The following CELF2 variants were observed in gnomAD, a reference collection of about 807,000 sequenced individuals.
CELF2 encodes the protein CUGBP Elav-like family member 2, also known as CUG triplet repeat RNA-binding protein 2.
Under a neutral mutation model 62.6 loss-of-function variants are expected in CELF2, and 8 were observed. The observed-to-expected ratio is 0.13, with a 90% CI of 0.07 to 0.23. The LOEUF (loss-of-function observed/expected upper bound fraction) is 0.23. CELF2 is among the 10% of genes least tolerant of loss of function. The pLI is 1.00. For synonymous variants in CELF2, 258 were observed against 250.0 expected (o/e 1.03, Z -0.30); for missense variants, 333 against 671.0 (o/e 0.50, Z 5.56).
the CELF2 span, among the ~76,000 whole-genome samples, chr10:10,676,822 G>A: frequency 2.6e-5 from 4 of 152,090 alleles, no homozygotes; most frequent in Non-Finnish European, 5.9e-5. Context: ...TTGTTATTAG[G>A]GGGGAGTGAC....
chr10:10,623,009 C>T, the CELF2 span, among the ~76,000 whole-genome samples: 1 of 140,550 alleles, frequency 7.1e-6, no homozygotes, highest in African/African-American at 2.6e-5. Context: ...TGGCCTGAAC[C>T]CGGGAGGCGG....
intron 1 of CELF2, among the ~76,000 whole-genome samples, chr10:11,146,306 A>G (rs2062262889): frequency 6.6e-6 from 1 of 152,256 alleles, no homozygotes; most frequent in Non-Finnish European, 1.5e-5. Flanking sequence ...AAAAGGACCC[A>G]AAGTGTAATT....
At chr10:11,017,325 G>A (rs2057385437), upstream of CELF2, among the ~76,000 whole-genome samples, 1 of 152,212 alleles carries the variant, frequency 6.6e-6, no homozygotes, top group African/African-American at 2.4e-5. The surrounding 1 kb of genome is among the most constrained non-coding windows in gnomAD (Gnocchi z 5.5). Flanking sequence ...TTTATTTTCA[G>A]CCGCTTATAC....
chr10:11,131,582 G>A (rs1194449550), intron 1 of CELF2, among the ~76,000 whole-genome samples: 1 of 152,098 alleles, frequency 6.6e-6, no homozygotes, highest in Non-Finnish European at 1.5e-5. Context: ...TATCAATCAC[G>A]GGCCACCTCC....
chr10:11,336,417 C>T lies in CELF2; in HGVS notation c.*7364C>T, dbSNP rs767684211. 5 of 152,592 alleles carry T rather than the reference C, an allele frequency of 3.3e-5. No homozygotes were observed. The highest frequency in any genetic ancestry group is 7.4e-5 in the Non-Finnish European group (5 of 68,026). The allele number at this position is 152,592 out of a possible 1,614,324, so 9.5% of individuals were successfully genotyped here. A position where few individuals can be genotyped will look rare whatever the true frequency, so the allele number is the denominator to read the frequency against. On this transcript the variant is annotated 3_prime_UTR_variant, in exon 13 of 13. Transcript: ENST00000633077. This position sits in a 1 kb window ranked among gnomAD's most constrained non-coding sequence, Gnocchi z 5.4. ...CTATTGAGTGAAAATGATATCTTAA[C>T]AAAATCTATGCACTTGCTATCAGGA...
At chr10:11,005,258 GAGAGAGA>G (rs1564348407), upstream of CELF2, 25 of 796,482 alleles carry the variant, frequency 3.1e-5, no homozygotes, top group African/African-American at 5.6e-4. The surrounding 1 kb of genome is among the most constrained non-coding windows in gnomAD (Gnocchi z 4.3). Flanking sequence ...GAGAGAGGGA[GAGAGAGA>G]GAGAGAGAGA....
At chr10:10,528,067 C>T in the CELF2 span, among the ~76,000 whole-genome samples, 8 of 152,314 alleles carry the variant, frequency 5.3e-5, no homozygotes, top group African/African-American at 1.9e-4. Context: ...ATGTCTAACT[C>T]ATCCTGCAAC....
intron 1 of CELF2, among the ~76,000 whole-genome samples, chr10:11,019,425 T>C (rs1278728311): frequency 6.6e-6 from 1 of 152,198 alleles, no homozygotes; most frequent in Non-Finnish European, 1.5e-5. Context: ...CACCTTATGG[T>C]ACTCTGCAGT....
upstream of CELF2, among the ~76,000 whole-genome samples, chr10:11,001,561 T>C (rs2054518936): frequency 6.6e-6 from 1 of 152,246 alleles, no homozygotes; most frequent in Admixed American, 6.5e-5. Context: ...ATTTCACCTT[T>C]TAAATTTGTT....
chr10:11,052,080 T>C (rs866142260), intron 1 of CELF2, among the ~76,000 whole-genome samples: 1 of 151,950 alleles, frequency 6.6e-6, no homozygotes, highest in Non-Finnish European at 1.5e-5. Context: ...AATTAGGTAT[T>C]TTACAGTCTT....
In CELF2 at chr10:10,945,143, T is replaced by C. The variant is rs117351627; in HGVS notation, c.89+25144T>C. ...ATCAGAGAGTCTTAGACATTCAGCC[T>C]AAGAACGGATGGGAGCCGTAGGTGC... On this transcript the variant is annotated intron_variant, in intron 2 of 13. Coordinates refer to the CELF2 transcript ENST00000636488. Among the ~76,000 whole-genome samples the C allele has an allele frequency of 1.8e-4, 27 of 152,146 alleles. No homozygotes were observed. The East Asian group carries it at 5.2e-3, about 29-fold the overall frequency.
chr10:10,639,554 G>A, the CELF2 span, among the ~76,000 whole-genome samples: 1 of 152,106 alleles, frequency 6.6e-6, no homozygotes, highest in Non-Finnish European at 1.5e-5. Flanking sequence ...TTCCAACTAT[G>A]CTTCCTAAAT....
chr10:11,318,668 G>T lies in CELF2; in HGVS notation c.1097-2521G>T. ...CCAGTATTTCAAGAGCAGGAGCTGT[G>T]TTCTGCTTCTGCATTGTAAGAGAGA... On this transcript the variant is annotated intron_variant, in intron 10 of 12. Transcript: ENST00000633077. This position sits in a 1 kb window ranked among gnomAD's most constrained non-coding sequence, Gnocchi z 5.4. The T allele has an allele frequency of 2.4e-6, 1 of 419,968 alleles. No individual in the cohort carries two copies. Among genetic ancestry groups the T allele is most frequent in the Non-Finnish European group, 5.0e-6 (1 of 201,926 alleles). The allele number at this position is 419,968 out of a possible 1,614,324, so 26.0% of individuals were successfully genotyped here.
At chr10:11,142,638 C>T (rs1252407470) in intron 1 of CELF2, among the ~76,000 whole-genome samples, 1 of 141,866 alleles carries the variant, frequency 7.0e-6, no homozygotes, top group African/African-American at 2.7e-5. Context: ...GAGCCGAGAT[C>T]ATGCCACTGC....
intron 1 of CELF2, among the ~76,000 whole-genome samples, chr10:11,153,528 ATGC>A (rs1198038225): frequency 6.6e-6 from 1 of 152,190 alleles, no homozygotes; most frequent in Non-Finnish European, 1.5e-5. Context: ...GACAGAGAAC[ATGC>A]GCTTTGTGTG....
At chr10:10,557,111 G>A in the CELF2 span, among the ~76,000 whole-genome samples, 23 of 143,310 alleles carry the variant, frequency 1.6e-4, no homozygotes, top group Non-Finnish European at 2.6e-4. Context: ...CCTTGCCCAT[G>A]CCTATGTCCT....
intron 2 of CELF2, among the ~76,000 whole-genome samples, chr10:11,196,399 C>T (rs572652857): frequency 1.3e-5 from 2 of 152,348 alleles, no homozygotes; most frequent in East Asian, 3.9e-4. Context: ...TGGTGACTCA[C>T]ACCTGTAATC....
At chr10:10,744,276 C>G in the CELF2 span, among the ~76,000 whole-genome samples, 1 of 152,198 alleles carries the variant, frequency 6.6e-6, no homozygotes, top group African/African-American at 2.4e-5. Context: ...CATCCTAAAT[C>G]ATTCAAATGC....
At chr10:10,637,262 C>T in the CELF2 span, among the ~76,000 whole-genome samples, 1 of 152,132 alleles carries the variant, frequency 6.6e-6, no homozygotes, top group Non-Finnish European at 1.5e-5. Context: ...CCCCACAAAA[C>T]ATACCTTAGT....
Sources: gnomAD v4.1 joint callset for allele counts (sites outside exome capture counted in the v4.1 genomes callset) on GRCh38, gnomAD v4.1.1 for gene constraint, Gnocchi (gnomAD v3.1) non-coding constraint, MANE v1.5 for transcripts, NCBI Gene and HGNC (gene_info 2026-07-23, HGNC 2026-07-21) for gene names.